RORA: variants seen among roughly 807,000 people sequenced by gnomAD.
The protein encoded by RORA is RAR related orphan receptor A, also known as nuclear receptor ROR-alpha.
A neutral mutation model predicts 69.5 loss-of-function variants in RORA; 7 were observed. That is an observed-to-expected ratio of 0.10 (90% CI 0.06 to 0.19). The LOEUF is 0.19. Ranked by LOEUF, RORA falls within the 10% of genes least tolerant of loss-of-function variation. The probability of loss-of-function intolerance (pLI) is 1.00; values close to 1 mark genes in which losing one functional copy is unlikely to be tolerated. For synonymous variants in RORA, 261 were observed against 240.8 expected (o/e 1.08, Z -0.78); for missense variants, 457 against 663.0 (o/e 0.69, Z 3.41).
At chr15:60,608,297 C>T (rs60498904) in intron 2 of RORA, among the ~76,000 whole-genome samples, 16 of 152,258 alleles carry the variant, frequency 1.1e-4, no homozygotes, top group East Asian at 1.9e-4. Context: ...TTAAAGTCAC[C>T]GTGGCCACCT....
intron 1 of RORA, among the ~76,000 whole-genome samples, chr15:61,138,658 G>C (rs2140859178): frequency 6.6e-6 from 1 of 152,174 alleles, no homozygotes; most frequent in African/African-American, 2.4e-5. Flanking sequence ...GAGATACAGG[G>C]AGGGCCTTTT....
chr15:61,167,769 T>C (rs1198885994), intron 1 of RORA, among the ~76,000 whole-genome samples: 1 of 152,226 alleles, frequency 6.6e-6, no homozygotes, highest in African/African-American at 2.4e-5. Context: ...AGGTCCTTCA[T>C]AATCTGTAGA....
chr15:61,021,246 T>C (rs747962193), intron 1 of RORA, among the ~76,000 whole-genome samples: 14 of 152,306 alleles, frequency 9.2e-5, no homozygotes, highest in Non-Finnish European at 1.6e-4. Flanking sequence ...GAAAAGTGAC[T>C]GCGATGTTTC....
intron 1 of RORA, among the ~76,000 whole-genome samples, chr15:61,002,271 G>A (rs1894768554): frequency 6.6e-6 from 1 of 152,180 alleles, no homozygotes. Context: ...CCTCCCAAGG[G>A]ATGCAGCGTC....
intron 1 of RORA, among the ~76,000 whole-genome samples, chr15:60,713,877 C>G (rs1428390811): frequency 6.6e-6 from 1 of 152,222 alleles, no homozygotes; most frequent in African/African-American, 2.4e-5. Flanking sequence ...CGCAGAGTAA[C>G]AGCTGCCAAC....
At chr15:61,098,930 T>G (rs1033264078) in intron 1 of RORA, among the ~76,000 whole-genome samples, 4 of 152,220 alleles carry the variant, frequency 2.6e-5, no homozygotes, top group African/African-American at 9.6e-5. Flanking sequence ...ACTGAATACT[T>G]CCAAAGGTTC....
chr15:60,991,674 G>A (rs1167023795), intron 1 of RORA, among the ~76,000 whole-genome samples: 1 of 152,086 alleles, frequency 6.6e-6, no homozygotes, highest in Non-Finnish European at 1.5e-5. Context: ...GAGGCGAGAG[G>A]ATTGCTTGAT....
intron 5 of RORA, among the ~76,000 whole-genome samples, chr15:60,509,202 T>C (rs540952673): frequency 6.6e-6 from 1 of 152,332 alleles, no homozygotes; most frequent in African/African-American, 2.4e-5. Flanking sequence ...CATGATACTC[T>C]TAGCTCCCTG....
chr15:60,713,668 C>A (rs1321335737), intron 1 of RORA, among the ~76,000 whole-genome samples: 1 of 152,166 alleles, frequency 6.6e-6, no homozygotes, highest in Admixed American at 6.5e-5. Flanking sequence ...GTGTTCCAGT[C>A]CCAATTCACC....
At chr15:61,011,994 G>T (rs1217713374) in intron 1 of RORA, among the ~76,000 whole-genome samples, 3 of 152,206 alleles carry the variant, frequency 2.0e-5, no homozygotes, top group African/African-American at 4.8e-5. Flanking sequence ...TGCATGAAAT[G>T]CATGGGCATG....
chr15:60,815,259 T>C (rs1220950600), intron 1 of RORA, among the ~76,000 whole-genome samples: 1 of 152,118 alleles, frequency 6.6e-6, no homozygotes, highest in East Asian at 1.9e-4. Flanking sequence ...CCCCTAATAA[T>C]TCTGTGTTAT....
chr15:60,815,523 T>G (rs1005224924), intron 1 of RORA, among the ~76,000 whole-genome samples: 2 of 152,114 alleles, frequency 1.3e-5, no homozygotes, highest in African/African-American at 2.4e-5. Context: ...AGCCGAGGAC[T>G]TGGCAACTCT....
intron 1 of RORA, among the ~76,000 whole-genome samples, chr15:60,942,803 G>A (rs893962207): frequency 6.6e-6 from 1 of 152,188 alleles, no homozygotes; most frequent in African/African-American, 2.4e-5. Context: ...GAGGTGGGGA[G>A]GACACAGGCA....
chr15:60,914,898 G>C (rs145493609), intron 1 of RORA, among the ~76,000 whole-genome samples: 7 of 152,212 alleles, frequency 4.6e-5, no homozygotes, highest in Non-Finnish European at 8.8e-5. Context: ...CTTTGGTGAA[G>C]GGGAGGGCAC....
chr15:60,789,754 G>C (rs1390083574), intron 1 of RORA, among the ~76,000 whole-genome samples: 1 of 152,248 alleles, frequency 6.6e-6, no homozygotes, highest in Admixed American at 6.5e-5. Context: ...GGAGAGGCCG[G>C]TGCAAATGAA....
At chr15:60,769,173 C>G (rs1418119759) in intron 1 of RORA, among the ~76,000 whole-genome samples, 3 of 152,108 alleles carry the variant, frequency 2.0e-5, no homozygotes, top group Non-Finnish European at 4.4e-5. Flanking sequence ...GGAAGTAAAG[C>G]AAAGGCAAAT....
At chr15:60,570,526 T>A (rs1463979724) in intron 2 of RORA, among the ~76,000 whole-genome samples, 2 of 152,096 alleles carry the variant, frequency 1.3e-5, no homozygotes, top group Non-Finnish European at 2.9e-5. Context: ...TATTTTGTGT[T>A]TTTTGTAGAG....
At position 60,592,714 on chromosome 15, in the gene RORA, G is replaced by A. The variant is rs1029629985; in HGVS notation, c.197-60863C>T. On this transcript the variant is annotated intron_variant, in intron 2 of 10. Coordinates refer to ENST00000335670, the MANE Select transcript of RORA (RefSeq NM_134261.3). Reference sequence around the variant, plus strand: ...CGCCCCCGCGGGCAGGTGAGTAGCAGCGGCGGCTCTGCTGGCCCACCCCGG... The same window carrying A: ...CGCCCCCGCGGGCAGGTGAGTAGCAACGGCGGCTCTGCTGGCCCACCCCGG... The A allele has an allele frequency of 5.7e-6, 6 of 1,053,604 alleles. No individual in the cohort carries two copies. The African/African-American group carries it at 8.6e-5, about 15-fold the overall frequency. The allele number at this position is 1,053,604 out of a possible 1,614,324, so 65.3% of individuals were successfully genotyped here.
At chr15:60,729,881 G>C (rs2071407577) in intron 1 of RORA, among the ~76,000 whole-genome samples, 1 of 152,216 alleles carries the variant, frequency 6.6e-6, no homozygotes, top group South Asian at 2.1e-4. Flanking sequence ...TTTAAGGCTA[G>C]TTGTGGACAA....
Sources: allele counts gnomAD v4.1 joint callset (sites outside exome capture counted in the v4.1 genomes callset), GRCh38; gene constraint gnomAD v4.1.1; transcripts MANE v1.5; gene names NCBI Gene and HGNC (gene_info 2026-07-23, HGNC 2026-07-21).